Variants in NRXN3 observed in about 807,000 individuals in gnomAD.
NRXN3 encodes the protein neurexin III.
NRXN3 carries 32 observed loss-of-function variants against 137.6 expected under a neutral mutation model. That is an observed-to-expected ratio of 0.23 (90% CI 0.18 to 0.31). NRXN3 has a LOEUF of 0.31. Among genes scored for constraint, NRXN3 ranks in the 10% least tolerant of loss-of-function variants. The pLI is 1.00. For missense variants in NRXN3, 1,574 were observed against 2,062.5 expected (o/e 0.76, Z 4.59); for synonymous variants, 798 against 784.5 (o/e 1.02, Z -0.29).
chr14:78,479,336 A>C (rs1326410202), intron 4 of NRXN3, among the ~76,000 whole-genome samples: 1 of 152,222 alleles, frequency 6.6e-6, no homozygotes, highest in Non-Finnish European at 1.5e-5. Flanking sequence ...GTGCAGCTGG[A>C]GAGTTTGTTA....
intron 4 of NRXN3, among the ~76,000 whole-genome samples, chr14:78,504,081 T>A (rs534325059): frequency 6.6e-6 from 1 of 152,264 alleles, no homozygotes; most frequent in African/African-American, 2.4e-5. Flanking sequence ...TAATAGGAAT[T>A]GCTAAGAGGG....
intron 15 of NRXN3, among the ~76,000 whole-genome samples, chr14:79,108,922 C>A (rs2052962266): frequency 1.3e-5 from 2 of 152,102 alleles, no homozygotes; most frequent in African/African-American, 4.8e-5. Flanking sequence ...AAAACAAAAA[C>A]TCAAACTAAA....
chr14:79,327,081 C>G (rs1442519020), intron 15 of NRXN3, among the ~76,000 whole-genome samples: 1 of 152,164 alleles, frequency 6.6e-6, no homozygotes, highest in African/African-American at 2.4e-5. Flanking sequence ...TTCCCTCGCT[C>G]CCTTCTTTCT....
chr14:78,717,531 C>T (rs573440667), intron 8 of NRXN3, among the ~76,000 whole-genome samples: 1 of 152,220 alleles, frequency 6.6e-6, no homozygotes, highest in African/African-American at 2.4e-5. Context: ...ACACCATGTT[C>T]AGAATGAATC....
intron 8 of NRXN3, among the ~76,000 whole-genome samples, chr14:78,722,773 C>T (rs1402236966): frequency 6.6e-6 from 1 of 152,158 alleles, no homozygotes; most frequent in Non-Finnish European, 1.5e-5. Flanking sequence ...ACTTGGGACA[C>T]AAAGGCATTG....
At chr14:78,809,074 T>C (rs1340734933) in intron 9 of NRXN3, among the ~76,000 whole-genome samples, 4 of 152,112 alleles carry the variant, frequency 2.6e-5, no homozygotes, top group Admixed American at 6.5e-5. Context: ...ACAACTAACC[T>C]GAGACCTTTC....
chr14:79,472,493 TAA>T (rs1200222020), intron 16 of NRXN3, among the ~76,000 whole-genome samples: 1 of 152,226 alleles, frequency 6.6e-6, no homozygotes, highest in Non-Finnish European at 1.5e-5. Flanking sequence ...GAATGAATTA[TAA>T]ACTGTTATAT....
At chr14:78,755,733 C>G (rs1166688576) in intron 8 of NRXN3, among the ~76,000 whole-genome samples, 2 of 152,156 alleles carry the variant, frequency 1.3e-5, no homozygotes, top group Admixed American at 6.5e-5. Flanking sequence ...CCCTACCAAC[C>G]TGAAATAAAC....
intron 10 of NRXN3, among the ~76,000 whole-genome samples, chr14:78,843,474 A>G (rs989944621): frequency 1.3e-5 from 2 of 152,166 alleles, no homozygotes; most frequent in Admixed American, 6.6e-5. Flanking sequence ...ATTGAGAAAA[A>G]GAAAAATAAT....
intron 10 of NRXN3, among the ~76,000 whole-genome samples, chr14:78,903,385 G>C (rs2099204013): frequency 6.6e-6 from 1 of 151,766 alleles, no homozygotes. Flanking sequence ...CAAGGGATCT[G>C]CCTGCCTCAG....
At chr14:79,579,412 A>G (rs547827186) in intron 16 of NRXN3, among the ~76,000 whole-genome samples, 23 of 150,002 alleles carry the variant, frequency 1.5e-4, no homozygotes, top group African/African-American at 5.1e-4. Context: ...GTGCCCACAT[A>G]AAGTGATAAT....
intron 4 of NRXN3, among the ~76,000 whole-genome samples, chr14:78,610,446 C>T (rs1264793389): frequency 3.3e-5 from 5 of 152,182 alleles, no homozygotes; most frequent in Non-Finnish European, 7.3e-5. Flanking sequence ...GTTTCTAGGT[C>T]CTCAAGGCTC....
intron 15 of NRXN3, among the ~76,000 whole-genome samples, chr14:79,420,646 A>T (rs928304645): frequency 6.6e-6 from 1 of 152,200 alleles, no homozygotes; most frequent in African/African-American, 2.4e-5. Context: ...TTATAAAACC[A>T]AAAAGCAAGC....
intron 15 of NRXN3, among the ~76,000 whole-genome samples, chr14:79,048,772 C>G (rs149953901): frequency 0.026 from 3,842 of 150,594 alleles, 129 homozygotes; most frequent in African/African-American, 0.077. Flanking sequence ...CGCCTGGAAT[C>G]CCAGCACTTT....
chr14:79,721,585 C>T (rs1201701746), intron 19 of NRXN3, among the ~76,000 whole-genome samples: 2 of 151,826 alleles, frequency 1.3e-5, no homozygotes, highest in African/African-American at 4.8e-5. Flanking sequence ...GGAATGACTT[C>T]GGAAAAAAGA....
chr14:79,770,507 C>G (rs2099073757), intron 19 of NRXN3, among the ~76,000 whole-genome samples: 3 of 136,552 alleles, frequency 2.2e-5, no homozygotes, highest in Non-Finnish European at 4.7e-5. Context: ...AACTGAACAA[C>G]CTGCTCCTGA....
Position 78,983,236 on chromosome 14 carries a change from A to C in NRXN3, c.3143-4786A>C, listed in dbSNP as rs1281948441. 2.6e-5 allele frequency among the ~76,000 whole-genome samples: 4 copies of C among 152,190 alleles called. No homozygotes were observed. In the East Asian group the frequency reaches 7.7e-4, roughly 29 times the overall value. On this transcript the variant is annotated intron_variant, in intron 14 of 20. Coordinates refer to ENST00000335750, the MANE Select transcript of NRXN3 (RefSeq NM_001330195.2). ...ATAACCATTATGGAAAACAGAATGG[A>C]GGTTCCTCAGAAAACTAAAAATAGA...
At chr14:78,847,710 C>T (rs190239363) in intron 10 of NRXN3, among the ~76,000 whole-genome samples, 15 of 152,174 alleles carry the variant, frequency 9.9e-5, no homozygotes, top group Middle Eastern at 3.4e-3. Flanking sequence ...TTTACAATTC[C>T]GATTACCCTT....
intron 4 of NRXN3, among the ~76,000 whole-genome samples, chr14:78,488,097 C>A (rs933649726): frequency 6.6e-6 from 1 of 152,158 alleles, no homozygotes; most frequent in African/African-American, 2.4e-5. Context: ...CCATCTTTTT[C>A]CTGTGTCCTC....
Sources: gnomAD v4.1 joint callset for allele counts (sites outside exome capture counted in the v4.1 genomes callset) on GRCh38, gnomAD v4.1.1 for gene constraint, MANE v1.5 for transcripts, NCBI Gene and HGNC (gene_info 2026-07-23, HGNC 2026-07-21) for gene names.